CYP4X1: variants seen among roughly 807,000 people sequenced by gnomAD.
CYP4X1 encodes the protein cytochrome P450 family 4 subfamily X member 1, also known as cytochrome P450 4X1.
A neutral mutation model predicts 57.9 loss-of-function variants in CYP4X1; 44 were observed. The observed-to-expected ratio is 0.76, with a 90% CI of 0.60 to 0.98. The LOEUF is 0.98. Ranked by LOEUF, CYP4X1 falls within the 50% of genes least tolerant of loss-of-function variation. CYP4X1 has a pLI of 0.00. For synonymous variants in CYP4X1, 227 were observed against 228.6 expected (o/e 0.99, Z 0.06); for missense variants, 532 against 623.9 (o/e 0.85, Z 1.57).
Position 47,048,606 on chromosome 1 carries a change from C to T in CYP4X1, c.1249C>T (p.Pro417Ser). 6.2e-7 allele frequency: 1 copy of T among 1,613,090 alleles called. No homozygotes were observed. Among genetic ancestry groups the T allele is most frequent in the Non-Finnish European group, 8.5e-7 (1 of 1,179,784 alleles). ...TAGTATTTGGGGTCTTCACCACAAC[C>T]CTGCTGTCTGGAAAAACCCAAAGGT... ...VLSIWGLHHN[P>S]AVWKNPKVFD... is the part of the protein sequence containing the mutation. The change falls in exon 10 of 12, where the codon CCT becomes TCT. Residue 417 changes from proline (P) to serine (S), a missense_variant. Pro to Ser is a moderately conservative substitution (Grantham distance 74). Coordinates refer to ENST00000371901, the MANE Select transcript of CYP4X1 (RefSeq NM_178033.2).
chr1:47,005,980 T>C, the CYP4X1 span, among the ~76,000 whole-genome samples: 311 of 152,308 alleles, frequency 2.0e-3, no homozygotes, highest in African/African-American at 7.1e-3. Flanking sequence ...TAGGTTTAGG[T>C]GAGCACCTGA....
chr1:47,028,496 C>T (rs1644093432), intron 1 of CYP4X1, among the ~76,000 whole-genome samples: 1 of 152,176 alleles, frequency 6.6e-6, no homozygotes, highest in South Asian at 2.1e-4. Context: ...TTTGGGGGCA[C>T]TATGCATTTT....
At chr1:46,978,871 G>A in the CYP4X1 span, among the ~76,000 whole-genome samples, 792 of 152,292 alleles carry the variant, frequency 5.2e-3, 12 homozygotes, top group East Asian at 0.054. Context: ...GTTCCTGAAT[G>A]ACTACTGGGT....
chr1:46,989,824 G>T, the CYP4X1 span, among the ~76,000 whole-genome samples: 14 of 152,218 alleles, frequency 9.2e-5, no homozygotes, highest in Non-Finnish European at 1.6e-4. Context: ...AATAAATGGT[G>T]CTGGGAAAAC....
At chr1:47,053,748 C>T (rs1644374014), downstream of CYP4X1, among the ~76,000 whole-genome samples, 1 of 152,162 alleles carries the variant, frequency 6.6e-6, no homozygotes, top group Admixed American at 6.5e-5. Flanking sequence ...ATCCTTCGCC[C>T]ACTTTTTGAT....
chr1:47,048,473 T>C (rs1644326154), intron 9 of CYP4X1, 92 bp from the exon 10 acceptor site: 2 of 1,355,070 alleles, frequency 1.5e-6, no homozygotes, highest in Non-Finnish European at 2.1e-6. Context: ...GAGCTAGCTC[T>C]TCCCTTCAAG....
upstream of CYP4X1, among the ~76,000 whole-genome samples, chr1:47,021,695 G>A (rs1302919303): frequency 1.3e-5 from 2 of 152,176 alleles, no homozygotes; most frequent in Non-Finnish European, 2.9e-5. Flanking sequence ...ACCCATGAAA[G>A]CACATGGAAC....
At chr1:46,979,582 T>C in the CYP4X1 span, among the ~76,000 whole-genome samples, 1 of 152,172 alleles carries the variant, frequency 6.6e-6, no homozygotes, top group Non-Finnish European at 1.5e-5. Context: ...TCTGAAACTA[T>C]TCCAATCAAT....
downstream of CYP4X1, among the ~76,000 whole-genome samples, chr1:47,054,642 G>T (rs966912897): frequency 6.6e-6 from 1 of 152,094 alleles, no homozygotes; most frequent in Non-Finnish European, 1.5e-5. Flanking sequence ...CACATCCCTT[G>T]TAAGTTGGAT....
chr1:47,053,132 T>C (rs1337725913), downstream of CYP4X1, among the ~76,000 whole-genome samples: 2 of 152,136 alleles, frequency 1.3e-5, no homozygotes, highest in Non-Finnish European at 2.9e-5. Flanking sequence ...GTGTTCTCAT[T>C]GTTCAATTCC....
intron 1 of CYP4X1, among the ~76,000 whole-genome samples, chr1:47,024,408 AT>A (rs1203825645): frequency 6.6e-6 from 1 of 152,198 alleles, no homozygotes; most frequent in Non-Finnish European, 1.5e-5. Flanking sequence ...CCCTTAGTCC[AT>A]TTTAACAAGA....
chr1:46,998,108 T>C, the CYP4X1 span, among the ~76,000 whole-genome samples: 1 of 152,196 alleles, frequency 6.6e-6, no homozygotes, highest in Non-Finnish European at 1.5e-5. Context: ...TTTAGTATTA[T>C]GCATAAAGTG....
At chr1:47,018,286 A>G in the CYP4X1 span, among the ~76,000 whole-genome samples, 7 of 152,236 alleles carry the variant, frequency 4.6e-5, no homozygotes, top group African/African-American at 1.7e-4. Context: ...TGGACCTTCT[A>G]TAAAACTCTT....
At chr1:46,992,734 C>T in the CYP4X1 span, among the ~76,000 whole-genome samples, 2 of 152,230 alleles carry the variant, frequency 1.3e-5, no homozygotes, top group South Asian at 4.2e-4. Context: ...CTGTTCAAAT[C>T]CCTGTTTTCA....
At chr1:47,054,234 T>C (rs1198785352), downstream of CYP4X1, among the ~76,000 whole-genome samples, 1 of 152,098 alleles carries the variant, frequency 6.6e-6, no homozygotes, top group East Asian at 1.9e-4. Context: ...GTTGTAGATA[T>C]GCAGCATTAT....
chr1:47,012,238 A>T, the CYP4X1 span, among the ~76,000 whole-genome samples: 3 of 152,212 alleles, frequency 2.0e-5, no homozygotes, highest in Admixed American at 2.0e-4. Context: ...CATAAAAAAG[A>T]TGAGTTCATG....
chr1:46,982,238 A>T, the CYP4X1 span, among the ~76,000 whole-genome samples: 1 of 152,118 alleles, frequency 6.6e-6, no homozygotes, highest in Non-Finnish European at 1.5e-5. Context: ...TTTATCTTTC[A>T]TCTCTTGAAT....
the CYP4X1 span, among the ~76,000 whole-genome samples, chr1:47,004,808 C>T: frequency 1.3e-5 from 2 of 152,140 alleles, no homozygotes; most frequent in East Asian, 3.9e-4. Context: ...TGTGGTGCAG[C>T]TCAGCGCAAA....
intron 8 of CYP4X1, among the ~76,000 whole-genome samples, chr1:47,045,781 C>A (rs2148515409): frequency 6.6e-6 from 1 of 152,350 alleles, no homozygotes. Context: ...GACTCTCTCA[C>A]TAGAACTTTC....
Sources: allele counts gnomAD v4.1 joint callset (sites outside exome capture counted in the v4.1 genomes callset), GRCh38; gene constraint gnomAD v4.1.1; transcripts MANE v1.5; gene names NCBI Gene and HGNC (gene_info 2026-07-23, HGNC 2026-07-21).